Variants in C14orf39 observed in about 807,000 individuals in gnomAD.
C14orf39 encodes protein SIX6OS1.
A neutral mutation model predicts 85.6 loss-of-function variants in C14orf39; 66 were observed. The observed-to-expected ratio is 0.77, with a 90% CI of 0.63 to 0.95. The LOEUF (loss-of-function observed/expected upper bound fraction) is 0.95. Among genes scored for constraint, C14orf39 ranks in the 40% least tolerant of loss-of-function variants. The probability of loss-of-function intolerance (pLI) is 0.00; values close to 1 mark genes in which losing one functional copy is unlikely to be tolerated. For synonymous variants in C14orf39, 242 were observed against 214.0 expected (o/e 1.13, Z -1.14); for missense variants, 735 against 663.9 (o/e 1.11, Z -1.18).
intron 1 of C14orf39, among the ~76,000 whole-genome samples, chr14:60,510,451 G>C (rs564488573): frequency 6.6e-6 from 1 of 152,192 alleles, no homozygotes; most frequent in East Asian, 1.9e-4. Flanking sequence ...TGAGAAATGG[G>C]AAGTCGAGTT....
rs367714528 is a variant in C14orf39 at position 60,509,787 on chromosome 14, A to G, written c.-144+5608T>C. On this transcript the variant is annotated intron_variant, in intron 1 of 5. Transcript: ENST00000556799. ...CCGCGCACCATTTGGGACGGCGAAC[A>G]GAAGACACACTGCTTCAAGGAGCGC... The G allele has an allele frequency of 8.7e-6, 14 of 1,613,134 alleles. No homozygotes were observed. The highest frequency in any genetic ancestry group is 1.3e-5 in the African/African-American group (1 of 74,914).
chr14:60,478,141 T>C (rs1892475175), intron 5 of C14orf39, among the ~76,000 whole-genome samples, 159 bp downstream of exon 5: 1 of 122,918 alleles, frequency 8.1e-6, no homozygotes, highest in Non-Finnish European at 1.6e-5. Flanking sequence ...ATCATGCCAC[T>C]GCACTCCAGC....
At chr14:60,511,155 T>C (rs1893287813) in intron 1 of C14orf39, 1 of 1,612,726 alleles carries the variant, frequency 6.2e-7, no homozygotes, top group Non-Finnish European at 8.5e-7. Flanking sequence ...ACGCCAGAGG[T>C]GCTGGGCGTC....
intron 2 of C14orf39, chr14:60,493,649 TA>T (rs1284496777): frequency 6.6e-6 from 1 of 152,218 alleles, no homozygotes; most frequent in East Asian, 1.9e-4. Context: ...GTTTTGTTTT[TA>T]TTTTTTGCAA....
chr14:60,452,218 A>T (rs1465272983), intron 16 of C14orf39, among the ~76,000 whole-genome samples: 1 of 152,038 alleles, frequency 6.6e-6, no homozygotes, highest in African/African-American at 2.4e-5. Context: ...ACCACAATCG[A>T]AAAAGAGACA....
Position 60,484,833 on chromosome 14 carries a change from A to C in C14orf39, c.106+48T>G, listed in dbSNP as rs1231915218. 3 of 1,326,814 alleles carry C rather than the reference A, an allele frequency of 2.3e-6. No homozygotes were observed. The highest frequency in any genetic ancestry group is 3.0e-5 in the African/African-American group (2 of 67,594). 82.2% of individuals were successfully genotyped at this position (1,326,814 alleles called of 1,614,324 possible). A position where few individuals can be genotyped will look rare whatever the true frequency, so the allele number is the denominator to read the frequency against. On this transcript the variant is annotated intron_variant, in intron 3 of 17. Coordinates refer to ENST00000321731, the MANE Select transcript of C14orf39 (RefSeq NM_174978.3). This position sits in a 1 kb window ranked among gnomAD's most constrained non-coding sequence, Gnocchi z 4.2. ...ACAGAGCAATTGTATGTTATATGCC[A>C]TAAGGAATTAAAAGACTAAAATATC...
chr14:60,474,578 G>A lies in C14orf39; in HGVS notation c.324-2839C>T, dbSNP rs535919364. Among the ~76,000 whole-genome samples, 671 of 152,082 alleles carry A rather than the reference G, an allele frequency of 4.4e-3. 4 individuals are homozygous for A. The highest frequency in any genetic ancestry group is 0.016 in the African/African-American group (643 of 41,472). The stretch of plus-strand genomic sequence containing the variant: ...TTATTATTTTGAGATACGTCCCATC[G>A]ATACCTAATTTATTGATAGTTTTTA... On this transcript the variant is annotated intron_variant, in intron 5 of 17. Coordinates refer to ENST00000321731, the MANE Select transcript of C14orf39 (RefSeq NM_174978.3).
chr14:60,472,897 T>C (rs1032669454), intron 5 of C14orf39, among the ~76,000 whole-genome samples: 1 of 152,184 alleles, frequency 6.6e-6, no homozygotes, highest in Non-Finnish European at 1.5e-5. Flanking sequence ...CAGCATGATT[T>C]ATAATCCTTT....
intron 1 of C14orf39, among the ~76,000 whole-genome samples, chr14:60,510,817 T>C (rs570504249): frequency 6.6e-6 from 1 of 152,244 alleles, no homozygotes; most frequent in African/African-American, 2.4e-5. Flanking sequence ...GGGAGGACAC[T>C]GCAAGCCCAG....
intron 9 of C14orf39, 95 bp downstream of exon 9, chr14:60,468,350 T>C: frequency 3.2e-6 from 2 of 615,504 alleles, no homozygotes; most frequent in Non-Finnish European, 5.3e-6. Flanking sequence ...ACAGATACTG[T>C]GTAAATATTA....
chr14:60,450,653 G>T (rs2140052062), intron 16 of C14orf39, among the ~76,000 whole-genome samples: 1 of 152,314 alleles, frequency 6.6e-6, no homozygotes, highest in Middle Eastern at 3.4e-3. Flanking sequence ...CAGAGCTTTA[G>T]GGCCTTCAGT....
intron 1 of C14orf39, among the ~76,000 whole-genome samples, chr14:60,485,590 T>C (rs1892847522): frequency 6.6e-6 from 1 of 152,188 alleles, no homozygotes; most frequent in African/African-American, 2.4e-5. Flanking sequence ...TTGGAGGTTT[T>C]CACAGAACAG....
intron 11 of C14orf39, among the ~76,000 whole-genome samples, chr14:60,464,060 A>C (rs1891664337): frequency 6.6e-6 from 1 of 152,144 alleles, no homozygotes; most frequent in South Asian, 2.1e-4. Context: ...AGTTCTGGCC[A>C]ATGAAATGAT....
At chr14:60,475,519 G>A (rs956464757) in intron 5 of C14orf39, among the ~76,000 whole-genome samples, 1 of 151,972 alleles carries the variant, frequency 6.6e-6, no homozygotes, top group Non-Finnish European at 1.5e-5. Flanking sequence ...AAAATCAAAA[G>A]AATATTCCAT....
chr14:60,474,452 TGA>T (rs536061733), intron 5 of C14orf39, among the ~76,000 whole-genome samples: 978 of 43,738 alleles, frequency 0.022, 282 homozygotes, highest in African/African-American at 0.035. Context: ...ATAGGAGTGG[TGA>T]GAGAGGGTAT....
At chr14:60,463,812 T>C (rs1427060829) in intron 11 of C14orf39, among the ~76,000 whole-genome samples, 2 of 152,092 alleles carry the variant, frequency 1.3e-5, no homozygotes, top group Non-Finnish European at 2.9e-5. Context: ...ATATTGCAAA[T>C]AAAAACTTAA....
chr14:60,451,218 G>T (rs1291619580), intron 16 of C14orf39, among the ~76,000 whole-genome samples: 4 of 152,224 alleles, frequency 2.6e-5, no homozygotes, highest in South Asian at 4.1e-4. Context: ...TGGAGAAATA[G>T]GAACACTTTT....
intron 4 of C14orf39, 71 bp from the exon 5 acceptor site, chr14:60,478,460 AG>A (rs930159245): frequency 5.4e-6 from 4 of 739,152 alleles, no homozygotes; most frequent in African/African-American, 1.8e-5. Context: ...AATAAAAAAA[AG>A]AACATAATTA....
chr14:60,492,884 AAATCT>A (rs1356419638), intron 2 of C14orf39, among the ~76,000 whole-genome samples: 1 of 152,226 alleles, frequency 6.6e-6, no homozygotes, highest in Non-Finnish European at 1.5e-5. Context: ...CTTAGGAAAA[AAATCT>A]TCATAATTAC....
Sources: allele counts gnomAD v4.1 joint callset (sites outside exome capture counted in the v4.1 genomes callset), GRCh38; gene constraint gnomAD v4.1.1; non-coding constraint Gnocchi (gnomAD v3.1); transcripts MANE v1.5; gene names NCBI Gene and HGNC (gene_info 2026-07-23, HGNC 2026-07-21).